Variants in SETX observed in about 807,000 individuals in gnomAD.
The protein encoded by SETX is senataxin, also known as helicase senataxin.
A neutral mutation model predicts 227.2 loss-of-function variants in SETX; 90 were observed. The ratio of observed to expected loss-of-function variants is 0.40; its 90% CI spans 0.33 to 0.47. The LOEUF (loss-of-function observed/expected upper bound fraction) is 0.47. Ranked by LOEUF, SETX falls within the 20% of genes least tolerant of loss-of-function variation. SETX has a pLI of 0.91. For missense variants in SETX, 3,052 were observed against 3,181.5 expected, an observed-to-expected ratio of 0.96 and a Z score of 0.98; for synonymous variants, 1,210 against 1,113.2, an observed-to-expected ratio of 1.09 and a Z score of -1.73.
intron 11 of SETX, among the ~76,000 whole-genome samples, chr9:132,310,073 T>C (rs1271411187): frequency 1.3e-5 from 2 of 151,724 alleles, no homozygotes; most frequent in East Asian, 3.9e-4. Context: ...CTCCTACAAA[T>C]CAACTGAAAA....
At chr9:132,273,516 A>C (rs1384541752) in intron 23 of SETX, among the ~76,000 whole-genome samples, 1 of 152,182 alleles carries the variant, frequency 6.6e-6, no homozygotes, top group Non-Finnish European at 1.5e-5. Context: ...TTCAGCGTAC[A>C]AGTCTTATAC....
At chr9:132,320,074 A>G (rs1846224722) in intron 10 of SETX, among the ~76,000 whole-genome samples, 1 of 152,228 alleles carries the variant, frequency 6.6e-6, no homozygotes, top group Admixed American at 6.5e-5. Context: ...TATGTGTTAA[A>G]TACAAGGATT....
At chr9:132,268,713 A>T (rs549467388) in intron 25 of SETX, among the ~76,000 whole-genome samples, 1 of 152,376 alleles carries the variant, frequency 6.6e-6, no homozygotes, top group South Asian at 2.1e-4. Context: ...GCTGTATTTT[A>T]AAATGTCAAT....
intron 6 of SETX, among the ~76,000 whole-genome samples, chr9:132,336,048 C>G (rs1310197771): frequency 6.6e-6 from 1 of 152,108 alleles, no homozygotes; most frequent in African/African-American, 2.4e-5. Context: ...TCAAGACCAG[C>G]CTGGCCAACA....
At chr9:132,310,879 TCTTC>T (rs1264098309) in intron 11 of SETX, among the ~76,000 whole-genome samples, 9 of 152,246 alleles carry the variant, frequency 5.9e-5, no homozygotes, top group African/African-American at 1.2e-4. Flanking sequence ...ATATATCTTC[TCTTC>T]CTTATGATTT....
At chr9:132,308,718 T>C (rs1025080102) in intron 11 of SETX, among the ~76,000 whole-genome samples, 4 of 152,202 alleles carry the variant, frequency 2.6e-5, no homozygotes, top group Admixed American at 2.6e-4. Context: ...CCTAAATAAC[T>C]GAAGATATAT....
intron 5 of SETX, among the ~76,000 whole-genome samples, chr9:132,341,478 T>G (rs1847959117): frequency 6.6e-6 from 1 of 152,096 alleles, no homozygotes; most frequent in Non-Finnish European, 1.5e-5. Context: ...TAAATATAAA[T>G]TTGGGCTGCT....
chr9:132,285,427 A>G (rs753871577), intron 18 of SETX, among the ~76,000 whole-genome samples: 2 of 152,222 alleles, frequency 1.3e-5, no homozygotes, highest in Admixed American at 6.5e-5. Context: ...GTAATTTTTC[A>G]TAACAATTTA....
chr9:132,311,214 G>A (rs1047261266), intron 11 of SETX, among the ~76,000 whole-genome samples: 1 of 152,096 alleles, frequency 6.6e-6, no homozygotes, highest in Non-Finnish European at 1.5e-5. Context: ...ATCCCCGCCC[G>A]CCTCGGCCTC....
At chr9:132,338,769 A>T (rs1032615214) in intron 5 of SETX, among the ~76,000 whole-genome samples, 18 of 151,696 alleles carry the variant, frequency 1.2e-4, no homozygotes, top group Admixed American at 6.6e-4. Flanking sequence ...TTTTTACTTT[A>T]TTTTTTTGAG....
rs1319044820 is a variant in SETX at position 132,329,126 on chromosome 9, A to G, written c.2472T>C (p.Tyr824=). The change falls in exon 10 of 26, where the codon TAT becomes TAC. Residue 824 remains tyrosine, a synonymous_variant. Coordinates refer to ENST00000224140, the MANE Select transcript of SETX (RefSeq NM_015046.7). ...NLTVSNIESF[Y]SRKDTGVQKG... ...TCTGAACTCCTGTATCTTTCCTTGA[A>G]TAGAAACTCTCAATGTTAGATACAG... is the stretch of plus-strand genomic sequence containing the variant. The G allele has an allele frequency of 1.9e-6, 3 of 1,610,074 alleles. No homozygotes were observed. The highest frequency in any genetic ancestry group is 1.3e-5 in the African/African-American group (1 of 74,802).
chr9:132,281,344 G>A, intron 20 of SETX, 123 bp downstream of exon 20: 3 of 706,332 alleles, frequency 4.2e-6, no homozygotes. Context: ...TCTTTTCTTA[G>A]TTACTGCTTA....
At chr9:132,295,163 T>A (rs937597310) in intron 15 of SETX, among the ~76,000 whole-genome samples, 1 of 152,160 alleles carries the variant, frequency 6.6e-6, no homozygotes, top group Non-Finnish European at 1.5e-5. Flanking sequence ...CCCTGAATCA[T>A]CCGTTGTAAT....
At chr9:132,345,988 C>T (rs1454054280) in intron 4 of SETX, among the ~76,000 whole-genome samples, 2 of 152,016 alleles carry the variant, frequency 1.3e-5, no homozygotes, top group African/African-American at 4.8e-5. Context: ...CACTGCACTT[C>T]GGCCTAGGAG....
Position 132,311,891 on chromosome 9 carries a change from C to T in SETX, c.5275-35G>A, listed in dbSNP as rs1412636404. The T allele has an allele frequency of 2.0e-6, 3 of 1,474,590 alleles. No homozygotes were observed. The East Asian group carries it at 6.8e-5, about 33-fold the overall frequency. The allele number at this position is 1,474,590 out of a possible 1,614,324, so 91.3% of individuals were successfully genotyped here. On this transcript the variant is annotated intron_variant, in intron 10 of 25. Coordinates refer to ENST00000224140, the MANE Select transcript of SETX (RefSeq NM_015046.7). ...GCACAAAAGCAAATTAAGAAAGCAA[C>T]ATTCTGGAAAGTGATGCTAAATAGT... is the stretch of plus-strand genomic sequence containing the variant.
chr9:132,331,525 A>G, intron 7 of SETX, 77 bp from the exon 8 acceptor site: 1 of 1,490,218 alleles, frequency 6.7e-7, no homozygotes, highest in Admixed American at 1.8e-5. Context: ...AATTAAGCAT[A>G]TTCTTTATCT....
intron 10 of SETX, among the ~76,000 whole-genome samples, chr9:132,317,771 C>T (rs1178535246): frequency 6.6e-6 from 1 of 152,006 alleles, no homozygotes; most frequent in Admixed American, 6.6e-5. Context: ...CCATCTTTTT[C>T]CATTCTTTCA....
chr9:132,347,284 A>G (rs1848345497), intron 3 of SETX, among the ~76,000 whole-genome samples: 1 of 152,008 alleles, frequency 6.6e-6, no homozygotes. Flanking sequence ...AAAAAAAACA[A>G]GAAAACAAAA....
intron 10 of SETX, among the ~76,000 whole-genome samples, chr9:132,322,585 T>C (rs890300268): frequency 3.3e-5 from 5 of 152,246 alleles, no homozygotes; most frequent in Non-Finnish European, 7.3e-5. Flanking sequence ...ATTCCATTCA[T>C]TGTATGAACA....
Sources: gnomAD v4.1 joint callset for allele counts (sites outside exome capture counted in the v4.1 genomes callset) on GRCh38, gnomAD v4.1.1 for gene constraint, MANE v1.5 for transcripts, NCBI Gene and HGNC (gene_info 2026-07-23, HGNC 2026-07-21) for gene names.